KLF12: variants seen among roughly 807,000 people sequenced by gnomAD.
KLF12 encodes the protein KLF transcription factor 12.
KLF12 carries 9 observed loss-of-function variants against 37.8 expected under a neutral mutation model. The observed-to-expected ratio is 0.24, with a 90% CI of 0.14 to 0.42. The LOEUF (loss-of-function observed/expected upper bound fraction) is 0.42. Among genes scored for constraint, KLF12 ranks in the 10% least tolerant of loss-of-function variants. The probability of loss-of-function intolerance (pLI) is 1.00; values close to 1 mark genes in which losing one functional copy is unlikely to be tolerated. For missense variants in KLF12, 411 were observed against 516.0 expected, an observed-to-expected ratio of 0.80 and a Z score of 1.97; for synonymous variants, 208 against 202.1, an observed-to-expected ratio of 1.03 and a Z score of -0.25.
intron 1 of KLF12, among the ~76,000 whole-genome samples, chr13:74,091,315 A>T (rs986283673): frequency 6.6e-6 from 1 of 152,242 alleles, no homozygotes; most frequent in East Asian, 1.9e-4. Flanking sequence ...TGACTTGGCA[A>T]TGATTTTTAG....
At chr13:73,824,558 C>T (rs904620623) in intron 4 of KLF12, among the ~76,000 whole-genome samples, 6 of 152,092 alleles carry the variant, frequency 3.9e-5, no homozygotes, top group Admixed American at 6.6e-5. Context: ...GGAATATCTT[C>T]GAGCCAAAAG....
intron 1 of KLF12, among the ~76,000 whole-genome samples, chr13:74,081,559 C>T (rs932988033): frequency 6.6e-6 from 1 of 152,142 alleles, no homozygotes; most frequent in Non-Finnish European, 1.5e-5. Context: ...TATTTATCAA[C>T]TTAACCATTC....
the KLF12 span, among the ~76,000 whole-genome samples, chr13:74,279,823 G>A: frequency 6.6e-6 from 1 of 152,114 alleles, no homozygotes; most frequent in African/African-American, 2.4e-5. Flanking sequence ...GAGATTTTAA[G>A]GACCCTCAAG....
intron 2 of KLF12, among the ~76,000 whole-genome samples, chr13:73,961,846 C>T (rs1891031598): frequency 6.6e-6 from 1 of 152,128 alleles, no homozygotes; most frequent in Admixed American, 6.5e-5. Flanking sequence ...CTAACATCAG[C>T]AAATGTAGGG....
the KLF12 span, among the ~76,000 whole-genome samples, chr13:74,194,473 A>C: frequency 6.6e-6 from 1 of 152,194 alleles, no homozygotes; most frequent in South Asian, 2.1e-4. Flanking sequence ...CATCCTTAGA[A>C]GGGGAGGAAC....
chr13:74,041,002 G>C (rs552010058), intron 1 of KLF12, among the ~76,000 whole-genome samples: 1 of 152,052 alleles, frequency 6.6e-6, no homozygotes, highest in Non-Finnish European at 1.5e-5. Context: ...TTGCATTGCC[G>C]CAACAGTTGT....
chr13:74,026,898 C>A (rs1354689454), intron 1 of KLF12, among the ~76,000 whole-genome samples: 2 of 152,126 alleles, frequency 1.3e-5, no homozygotes, highest in African/African-American at 4.8e-5. Context: ...TGCCCTGATA[C>A]AGCTTTTCAG....
intron 1 of KLF12, among the ~76,000 whole-genome samples, chr13:74,095,054 T>A (rs1207295962): frequency 6.6e-6 from 1 of 152,232 alleles, no homozygotes; most frequent in Non-Finnish European, 1.5e-5. Flanking sequence ...TGTTTCAATT[T>A]TCATGGGAAA....
the KLF12 span, among the ~76,000 whole-genome samples, chr13:74,170,409 G>A: frequency 1.4e-4 from 22 of 152,024 alleles, no homozygotes; most frequent in Admixed American, 4.6e-4. Flanking sequence ...CATTATTATC[G>A]TTATAAATTT....
intron 3 of KLF12, among the ~76,000 whole-genome samples, chr13:73,851,755 T>C (rs1885345898): frequency 6.6e-6 from 1 of 152,180 alleles, no homozygotes. Flanking sequence ...GTACCTTTTA[T>C]AGGAAGTGCT....
intron 5 of KLF12, among the ~76,000 whole-genome samples, chr13:73,775,734 T>G (rs1880569673): frequency 6.6e-6 from 1 of 152,216 alleles, no homozygotes; most frequent in Admixed American, 6.5e-5. Flanking sequence ...TGAGCTCTGT[T>G]GAGAAAAAGT....
chr13:73,786,368 G>T (rs1284189117), intron 5 of KLF12, among the ~76,000 whole-genome samples: 1 of 152,000 alleles, frequency 6.6e-6, no homozygotes, highest in African/African-American at 2.4e-5. Context: ...CCATCAAGGG[G>T]GTTCTCAGTG....
At chr13:74,193,476 CA>C in the KLF12 span, among the ~76,000 whole-genome samples, 1 of 152,110 alleles carries the variant, frequency 6.6e-6, no homozygotes, top group African/African-American at 2.4e-5. Flanking sequence ...GATTCAAACC[CA>C]GGTTTATTTG....
the KLF12 span, among the ~76,000 whole-genome samples, chr13:74,160,783 C>T: frequency 6.6e-6 from 1 of 152,138 alleles, no homozygotes; most frequent in Non-Finnish European, 1.5e-5. Context: ...GTAGCTGACC[C>T]AGAGTACTTC....
At chr13:74,299,430 G>A in the KLF12 span, among the ~76,000 whole-genome samples, 1 of 152,120 alleles carries the variant, frequency 6.6e-6, no homozygotes, top group African/African-American at 2.4e-5. Context: ...AATTGGAGTG[G>A]ATATACACAA....
chr13:73,952,930 G>GA (rs1890696453), intron 2 of KLF12, among the ~76,000 whole-genome samples: 1 of 152,314 alleles, frequency 6.6e-6, no homozygotes, highest in South Asian at 2.1e-4. Context: ...GCAGTGGGAA[G>GA]AAAGAGGAGG....
chr13:73,803,750 A>G (rs1343344810), intron 5 of KLF12, among the ~76,000 whole-genome samples: 1 of 149,798 alleles, frequency 6.7e-6, no homozygotes, highest in Non-Finnish European at 1.5e-5. Context: ...CTGTCCTCTG[A>G]GCAGCACAAC....
At chr13:73,835,713 C>G (rs773454133) in intron 4 of KLF12, among the ~76,000 whole-genome samples, 5 of 152,072 alleles carry the variant, frequency 3.3e-5, no homozygotes, top group Non-Finnish European at 7.4e-5. Context: ...ATACACACCC[C>G]CTGCCCGCAG....
At chr13:74,258,381 C>T in the KLF12 span, 1 of 152,082 alleles carries the variant, frequency 6.6e-6, no homozygotes, top group Admixed American at 6.6e-5. Flanking sequence ...AGTTCCAATA[C>T]CTATAAAGTG....
Sources: allele counts gnomAD v4.1 joint callset (sites outside exome capture counted in the v4.1 genomes callset), GRCh38; gene constraint gnomAD v4.1.1; transcripts MANE v1.5; gene names NCBI Gene and HGNC (gene_info 2026-07-23, HGNC 2026-07-21).